The following CEP85L variants were observed in gnomAD, a reference collection of about 807,000 sequenced individuals.
CEP85L encodes the protein centrosomal protein of 85 kDa-like.
A neutral mutation model predicts 100.3 loss-of-function variants in CEP85L; 60 were observed. The ratio of observed to expected loss-of-function variants is 0.60; its 90% CI spans 0.49 to 0.74. The LOEUF (loss-of-function observed/expected upper bound fraction) is 0.74, where lower values mean the gene tolerates loss of function less well. CEP85L is among the 30% of genes least tolerant of loss of function. The probability of loss-of-function intolerance (pLI) is 0.00; values close to 1 mark genes in which losing one functional copy is unlikely to be tolerated. For missense variants in CEP85L, 973 were observed against 936.2 expected (o/e 1.04, Z -0.51); for synonymous variants, 319 against 322.7 (o/e 0.99, Z 0.12).
intron 11 of CEP85L, 50 bp downstream of exon 11, chr6:118,470,487 T>C (rs759280950): frequency 9.2e-7 from 1 of 1,086,594 alleles, no homozygotes; most frequent in Non-Finnish European, 1.3e-6. Context: ...AAAATAAGCA[T>C]TTTATAGTGA....
intron 2 of CEP85L, among the ~76,000 whole-genome samples, chr6:118,585,440 T>A (rs1348286348): frequency 1.3e-5 from 2 of 152,180 alleles, no homozygotes; most frequent in Non-Finnish European, 2.9e-5. Flanking sequence ...GATTAGCTGA[T>A]CAGGCAGCTA....
intron 2 of CEP85L, chr6:118,574,073 T>C (rs1470510709): frequency 6.6e-6 from 1 of 152,208 alleles, no homozygotes; most frequent in Non-Finnish European, 1.5e-5. Flanking sequence ...TACACAGCCC[T>C]TCCTGCTCAA....
intron 6 of CEP85L, among the ~76,000 whole-genome samples, chr6:118,491,228 CACACACACACAT>C (rs775452159): frequency 0.056 from 8,335 of 149,202 alleles, 277 homozygotes; most frequent in South Asian, 0.1. Flanking sequence ...CACACACACA[CACACACACACAT>C]ATGCATGCAT....
At chr6:118,516,208 A>C (rs1776266646) in intron 4 of CEP85L, among the ~76,000 whole-genome samples, 1 of 152,162 alleles carries the variant, frequency 6.6e-6, no homozygotes, top group African/African-American at 2.4e-5. Context: ...TGCTGCGATA[A>C]ACATACATGT....
At chr6:118,466,819 T>G (rs1159931297) in intron 12 of CEP85L, among the ~76,000 whole-genome samples, 1 of 151,922 alleles carries the variant, frequency 6.6e-6, no homozygotes, top group South Asian at 2.1e-4. Flanking sequence ...GGGGAGGGGA[T>G]GAGAAAGATG....
At chr6:118,658,982 T>C (rs950124372) in intron 1 of CEP85L, among the ~76,000 whole-genome samples, 4 of 152,156 alleles carry the variant, frequency 2.6e-5, no homozygotes, top group Non-Finnish European at 5.9e-5. Context: ...GGGAATCTAT[T>C]TTTAACATAC....
chr6:118,705,894 G>A (rs1411457000), intron 1 of CEP85L, among the ~76,000 whole-genome samples: 2 of 152,222 alleles, frequency 1.3e-5, no homozygotes, highest in South Asian at 4.1e-4. Flanking sequence ...TTCCTTGCCT[G>A]GTGTGAATTC....
At chr6:118,655,761 CTGGCAGTGT>C (rs1457888744), upstream of CEP85L, among the ~76,000 whole-genome samples, 1 of 152,184 alleles carries the variant, frequency 6.6e-6, no homozygotes, top group African/African-American at 2.4e-5. Flanking sequence ...CAGTGTACAG[CTGGCAGTGT>C]TATTGGGGGA....
At chr6:118,633,124 ATTATT>A (rs1262873801) in intron 1 of CEP85L, among the ~76,000 whole-genome samples, 3 of 151,926 alleles carry the variant, frequency 2.0e-5, no homozygotes, top group East Asian at 3.8e-4. Flanking sequence ...TAAATTTTAC[ATTATT>A]TTATTTGAAT....
chr6:118,609,248 A>G (rs997257561), intron 2 of CEP85L, among the ~76,000 whole-genome samples: 2 of 151,064 alleles, frequency 1.3e-5, no homozygotes, highest in Admixed American at 1.3e-4. Flanking sequence ...CAAGAATTAA[A>G]GAAGGAAACG....
At chr6:118,528,266 G>C (rs186608061) in intron 3 of CEP85L, among the ~76,000 whole-genome samples, 196 of 150,912 alleles carry the variant, frequency 1.3e-3, no homozygotes, top group African/African-American at 4.4e-3. Context: ...TAAACAGAAG[G>C]AACAACTAGG....
At chr6:118,552,128 T>C (rs1422938243) in intron 3 of CEP85L, among the ~76,000 whole-genome samples, 2 of 152,040 alleles carry the variant, frequency 1.3e-5, no homozygotes, top group Non-Finnish European at 2.9e-5. Context: ...TATCAGACTG[T>C]AGCCTTAGAT....
At chr6:118,679,581 A>T in intron 1 of CEP85L, among the ~76,000 whole-genome samples, 1 of 152,128 alleles carries the variant, frequency 6.6e-6, no homozygotes, top group East Asian at 1.9e-4. Flanking sequence ...GTAGTGTCCC[A>T]GTCTACTTAT....
At chr6:118,476,077 A>G (rs1465702047) in intron 10 of CEP85L, among the ~76,000 whole-genome samples, 1 of 152,222 alleles carries the variant, frequency 6.6e-6, no homozygotes, top group African/African-American at 2.4e-5. Context: ...CAGCGCTAAC[A>G]GGCCCAAGAA....
intron 2 of CEP85L, among the ~76,000 whole-genome samples, chr6:118,573,456 G>A (rs1780028769): frequency 6.6e-6 from 1 of 152,134 alleles, no homozygotes; most frequent in South Asian, 2.1e-4. Flanking sequence ...AATGAATTCT[G>A]AGTTGAAAAA....
chr6:118,502,025 G>T, intron 5 of CEP85L: 1 of 839,680 alleles, frequency 1.2e-6, no homozygotes, highest in Non-Finnish European at 2.0e-6. Flanking sequence ...TTTGAAAGAA[G>T]AAAACCAGAT....
chr6:118,668,109 C>CA (rs1776186079), intron 1 of CEP85L, among the ~76,000 whole-genome samples: 1 of 152,104 alleles, frequency 6.6e-6, no homozygotes, highest in Admixed American at 6.5e-5. Context: ...TCCAAAATTC[C>CA]AATCTTCTGA....
intron 2 of CEP85L, among the ~76,000 whole-genome samples, chr6:118,608,801 G>A (rs1453809498): frequency 1.3e-5 from 2 of 152,262 alleles, no homozygotes; most frequent in African/African-American, 2.4e-5. Context: ...GCCAAATAGT[G>A]GAACAGAAAT....
At chr6:118,533,375 A>T (rs1777397724) in intron 3 of CEP85L, among the ~76,000 whole-genome samples, 1 of 152,138 alleles carries the variant, frequency 6.6e-6, no homozygotes, top group South Asian at 2.1e-4. Flanking sequence ...GAATTAGACC[A>T]ACTTCTTAAA....
Sources: gnomAD v4.1 joint callset for allele counts (sites outside exome capture counted in the v4.1 genomes callset) on GRCh38, gnomAD v4.1.1 for gene constraint, MANE v1.5 for transcripts, NCBI Gene and HGNC (gene_info 2026-07-23, HGNC 2026-07-21) for gene names.